CNOT1: variants seen among roughly 807,000 people sequenced by gnomAD.
CNOT1 encodes the protein CCR4-associated factor 1.
CNOT1 carries 15 observed loss-of-function variants against 273.8 expected under a neutral mutation model. The ratio of observed to expected loss-of-function variants is 0.05; its 90% confidence interval spans 0.04 to 0.08. The LOEUF (loss-of-function observed/expected upper bound fraction) is 0.08, where lower values mean the gene tolerates loss of function less well. Among genes scored for constraint, CNOT1 ranks in the 10% least tolerant of loss-of-function variants. CNOT1 has a pLI of 1.00. For synonymous variants in CNOT1, 1,022 were observed against 1,005.5 expected (o/e 1.02, Z -0.31); for missense variants, 1,644 against 2,912.2 (o/e 0.56, Z 10.02).
At chr16:58,545,235 CCT>C in intron 30 of CNOT1, 124 bp downstream of exon 30, 1 of 1,449,800 alleles carries the variant, frequency 6.9e-7, no homozygotes, top group Non-Finnish European at 9.3e-7. Flanking sequence ...AGATCTCCAT[CCT>C]CTCTGACAAA....
chr16:58,596,887 C>CAAAAAAAAAA (rs58567423), intron 2 of CNOT1, among the ~76,000 whole-genome samples: 18 of 69,978 alleles, frequency 2.6e-4, no homozygotes, highest in African/African-American at 9.0e-4. Context: ...GACTCCGTCT[C>CAAAAAAAAAA]AAAAAAAAAA....
chr16:58,543,085 C>A, intron 31 of CNOT1: 17 of 1,223,116 alleles, frequency 1.4e-5, no homozygotes, highest in Non-Finnish European at 1.8e-5. Context: ...AGAGTGAGAC[C>A]CTGTCTCATG....
chr16:58,591,265 G>C (rs1162637269), intron 2 of CNOT1, among the ~76,000 whole-genome samples: 1 of 152,154 alleles, frequency 6.6e-6, no homozygotes, highest in Admixed American at 6.5e-5. Context: ...TAAAAAAATA[G>C]AAGGCACATT....
intron 3 of CNOT1, 62 bp from the exon 4 acceptor site, chr16:58,587,940 G>T (rs2041929037): frequency 6.8e-7 from 1 of 1,465,766 alleles, no homozygotes; most frequent in African/African-American, 1.4e-5. Flanking sequence ...AACAGAAGCT[G>T]AGGTACTCAG....
chr16:58,531,432 C>G (rs983924526), intron 42 of CNOT1, among the ~76,000 whole-genome samples: 3 of 152,156 alleles, frequency 2.0e-5, no homozygotes, highest in African/African-American at 7.2e-5. Context: ...TTAAATAGAA[C>G]TTGATCATAA....
chr16:58,543,503 A>C lies in CNOT1; in HGVS notation c.4434+104T>G, dbSNP rs761895032. The C allele has an allele frequency of 7.1e-6, 11 of 1,556,450 alleles. No individual in the cohort carries two copies. In the East Asian group the frequency reaches 1.9e-4, roughly 27 times the overall value. ...CATCAAACAAATATGGTGATTATTA[A>C]GAATAAGTGGTAACGCCCAGTGCCA... On this transcript the variant is annotated intron_variant, in intron 31 of 48. Transcript: ENST00000317147.
At chr16:58,553,663 C>A in intron 22 of CNOT1, 119 bp downstream of exon 22, 1 of 1,272,624 alleles carries the variant, frequency 7.9e-7, no homozygotes, top group Non-Finnish European at 1.0e-6. Context: ...GTACCTATAT[C>A]ATGCCAATCA....
chr16:58,552,276 T>C, intron 22 of CNOT1, among the ~76,000 whole-genome samples: 1 of 151,620 alleles, frequency 6.6e-6, no homozygotes, highest in East Asian at 1.9e-4. Flanking sequence ...ATCCCCACAA[T>C]TTAGAGTGAT....
intron 44 of CNOT1, among the ~76,000 whole-genome samples, chr16:58,526,511 T>TTA (rs764629111): frequency 3.7e-5 from 3 of 80,814 alleles, no homozygotes; most frequent in East Asian, 7.3e-4. Flanking sequence ...ACTTACTCCT[T>TTA]AAAAAAAAAA....
At chr16:58,541,077 C>G (rs777271983) in intron 34 of CNOT1, among the ~76,000 whole-genome samples, 5 of 152,050 alleles carry the variant, frequency 3.3e-5, no homozygotes, top group African/African-American at 2.4e-5. Flanking sequence ...TGGTGGCACA[C>G]GCCTGTAGTC....
Position 58,604,846 on chromosome 16 carries a change from C to A in CNOT1, c.-174-5335G>T, listed in dbSNP as rs1405789885. On this transcript the variant is annotated intron_variant, in intron 1 of 48. Coordinates refer to ENST00000317147, the MANE Select transcript of CNOT1 (RefSeq NM_016284.5). Reference sequence around the variant, plus strand: ...AAAAAATTAAAAAAAAAAAAAAAAACCACACCAAAGCCGGGTGTGGTGGCT... The same window carrying A: ...AAAAAATTAAAAAAAAAAAAAAAAAACACACCAAAGCCGGGTGTGGTGGCT... 7.5e-5 allele frequency among the ~76,000 whole-genome samples: 8 copies of A among 106,420 alleles called. No individual in the cohort carries two copies. The East Asian group carries it at 8.6e-4, about 11-fold the overall frequency. The allele number at this position is 106,420 out of a possible 152,430, so 69.8% of individuals were successfully genotyped here. A position where few individuals can be genotyped will look rare whatever the true frequency, so the allele number is the denominator to read the frequency against.
chr16:58,557,515 CTAGAT>C (rs1161828223), intron 18 of CNOT1, among the ~76,000 whole-genome samples: 29 of 152,102 alleles, frequency 1.9e-4, no homozygotes, highest in South Asian at 2.1e-4. Flanking sequence ...GCAACGCTAA[CTAGAT>C]TAGAGTCAAT....
At chr16:58,589,508 G>A (rs1025257808) in intron 2 of CNOT1, among the ~76,000 whole-genome samples, 4 of 151,776 alleles carry the variant, frequency 2.6e-5, no homozygotes, top group Admixed American at 2.6e-4. Context: ...GTGAAACGTC[G>A]TCTCAAAAAA....
intron 23 of CNOT1, 68 bp from the exon 24 acceptor site, chr16:58,551,340 TGTATACAGATTTA>T: frequency 1.4e-6 from 2 of 1,450,504 alleles, no homozygotes; most frequent in East Asian, 4.6e-5. Context: ...AATCCAATAA[TGTATACAGATTTA>T]GTGTTAAAAA....
At chr16:58,571,578 T>C (rs1463812257) in intron 16 of CNOT1, among the ~76,000 whole-genome samples, 1 of 151,114 alleles carries the variant, frequency 6.6e-6, no homozygotes, top group Non-Finnish European at 1.5e-5. Flanking sequence ...AAAACAATAA[T>C]AAAATAAAGA....
chr16:58,546,306 A>G lies in CNOT1; in HGVS notation c.4006+15T>C, dbSNP rs375493608. ...TAGCTAACAGAAGCCTTCCTTGACTAATTAGCACACTTACTTGTGGTTGTG... is the reference window on the plus strand; with the variant it reads ...TAGCTAACAGAAGCCTTCCTTGACTGATTAGCACACTTACTTGTGGTTGTG... On this transcript the variant is annotated intron_variant, in intron 29 of 48. Transcript: ENST00000317147. The G allele has an allele frequency of 6.2e-7, 1 of 1,607,084 alleles. No homozygotes were observed. Among genetic ancestry groups the G allele is most frequent in the South Asian group, 1.1e-5 (1 of 90,764 alleles).
chr16:58,539,089 T>C (rs2039999022), intron 35 of CNOT1, among the ~76,000 whole-genome samples, 175 bp from the exon 36 acceptor site: 1 of 151,782 alleles, frequency 6.6e-6, no homozygotes, highest in Non-Finnish European at 1.5e-5. Context: ...AAATTCTATC[T>C]GATTTAAGTT....
chr16:58,529,295 T>A (rs37058), intron 43 of CNOT1, among the ~76,000 whole-genome samples: 13,074 of 152,230 alleles, frequency 0.086, 761 homozygotes, highest in Non-Finnish European at 0.13. Context: ...AATCTGCAAT[T>A]TTGACTACAA....
chr16:58,591,750 G>A (rs1317751587), intron 2 of CNOT1, among the ~76,000 whole-genome samples: 3 of 148,176 alleles, frequency 2.0e-5, no homozygotes, highest in Non-Finnish European at 4.5e-5. Context: ...GCAAAACTCC[G>A]TCTCGAAAAA....
Sources: gnomAD v4.1 joint callset for allele counts (sites outside exome capture counted in the v4.1 genomes callset) on GRCh38, gnomAD v4.1.1 for gene constraint, MANE v1.5 for transcripts, NCBI Gene and HGNC (gene_info 2026-07-23, HGNC 2026-07-21) for gene names.